ESRRG: variants seen among roughly 807,000 people sequenced by gnomAD.
The protein encoded by ESRRG is estrogen related receptor gamma.
Under a neutral mutation model 44.0 loss-of-function variants are expected in ESRRG, and 13 were observed. That is an observed-to-expected ratio of 0.30 (90% CI 0.19 to 0.47). The LOEUF is 0.47. ESRRG is among the 20% of genes least tolerant of loss of function. ESRRG has a pLI of 1.00. For synonymous variants in ESRRG, 215 were observed against 214.6 expected (o/e 1.00, Z -0.02); for missense variants, 395 against 580.6 (o/e 0.68, Z 3.29).
At chr1:216,826,758 C>T (rs562363285) in intron 2 of ESRRG, among the ~76,000 whole-genome samples, 1 of 152,128 alleles carries the variant, frequency 6.6e-6, no homozygotes, top group South Asian at 2.1e-4. Flanking sequence ...AGATTTGATC[C>T]CAGAGTCTTT....
At chr1:216,952,476 A>G (rs1439322411) in intron 1 of ESRRG, among the ~76,000 whole-genome samples, 1 of 152,130 alleles carries the variant, frequency 6.6e-6, no homozygotes, top group Non-Finnish European at 1.5e-5. Context: ...AATCTTACCC[A>G]TTCAGATATG....
chr1:216,765,035 A>T (rs1000592577), intron 2 of ESRRG, among the ~76,000 whole-genome samples: 1 of 152,096 alleles, frequency 6.6e-6, no homozygotes, highest in Non-Finnish European at 1.5e-5. Flanking sequence ...AATCTGGAGT[A>T]TAAATATCTT....
At chr1:216,653,414 A>G (rs2069524969) in intron 2 of ESRRG, among the ~76,000 whole-genome samples, 1 of 152,216 alleles carries the variant, frequency 6.6e-6, no homozygotes, top group African/African-American at 2.4e-5. Context: ...GCCTTCCTGA[A>G]TGAAATATAA....
At chr1:216,917,789 A>ATT (rs1227751058) in intron 2 of ESRRG, among the ~76,000 whole-genome samples, 1 of 152,250 alleles carries the variant, frequency 6.6e-6, no homozygotes, top group African/African-American at 2.4e-5. Flanking sequence ...ACATAGACAG[A>ATT]TTGAGCTATT....
chr1:216,628,901 T>C (rs985342760), intron 3 of ESRRG, among the ~76,000 whole-genome samples: 5 of 152,220 alleles, frequency 3.3e-5, no homozygotes, highest in African/African-American at 1.2e-4. Context: ...TGGCCATTTG[T>C]AACAACTCTC....
At chr1:216,542,825 T>C (rs912646187) in intron 5 of ESRRG, among the ~76,000 whole-genome samples, 2 of 152,032 alleles carry the variant, frequency 1.3e-5, no homozygotes, top group Non-Finnish European at 2.9e-5. Flanking sequence ...CTTGCATGTC[T>C]CATGCATGAA....
intron 2 of ESRRG, among the ~76,000 whole-genome samples, chr1:216,662,046 TATTAAC>T (rs1302350661): frequency 6.6e-6 from 1 of 152,212 alleles, no homozygotes; most frequent in African/African-American, 2.4e-5. Flanking sequence ...ATGGGGTTGC[TATTAAC>T]ATTAAGTAAG....
rs1263435140 is a variant in ESRRG, at chr1:216,816,053, T to A, written c.-14+123529A>T. On this transcript the variant is annotated intron_variant, in intron 2 of 7. Transcript: ENST00000359162. ...GCAGCTCCTCTGCTCAAACCTGGTG[T>A]CTGTAGGAAAAGCCAACTTGAACTT... 2.6e-5 allele frequency among the ~76,000 whole-genome samples: 4 copies of A among 152,158 alleles called. No homozygotes were observed. The East Asian group carries it at 7.7e-4, about 29-fold the overall frequency.
intron 2 of ESRRG, among the ~76,000 whole-genome samples, chr1:216,758,386 T>C (rs888025571): frequency 6.6e-6 from 1 of 152,064 alleles, no homozygotes; most frequent in Non-Finnish European, 1.5e-5. Context: ...GTGGCGGCAC[T>C]CAGGGAGAGC....
At chr1:216,956,380 T>A (rs2067958112) in intron 1 of ESRRG, among the ~76,000 whole-genome samples, 2 of 152,166 alleles carry the variant, frequency 1.3e-5, no homozygotes, top group African/African-American at 2.4e-5. Flanking sequence ...CCTCAATGAA[T>A]GTTATTGGCA....
intron 2 of ESRRG, among the ~76,000 whole-genome samples, chr1:216,839,030 C>T (rs967899310): frequency 6.6e-6 from 1 of 152,098 alleles, no homozygotes; most frequent in East Asian, 1.9e-4. Context: ...AAAGATTATC[C>T]TGCACGCAGG....
intron 2 of ESRRG, among the ~76,000 whole-genome samples, chr1:216,938,730 T>C (rs1163106613): frequency 6.6e-6 from 1 of 152,212 alleles, no homozygotes; most frequent in Non-Finnish European, 1.5e-5. Flanking sequence ...CACTGGCCTC[T>C]GCAGCAGGAA....
chr1:216,977,341 T>TATACACACACACACACACACACAC (rs146010546), intron 1 of ESRRG, among the ~76,000 whole-genome samples: 21 of 143,996 alleles, frequency 1.5e-4, no homozygotes, highest in South Asian at 8.8e-4. Flanking sequence ...GGAGGATACA[T>TATACACACACACACACACACACAC]ACACACACAC....
rs766835966 is a variant in ESRRG at position 216,707,364 on chromosome 1, A to C, written c.56+15880T>G. On this transcript the variant is annotated intron_variant, in intron 1 of 6. Coordinates refer to ENST00000408911, the MANE Select transcript of ESRRG (RefSeq NM_001438.4). ...AGAAAAATAATCGGGCCCACCTTTT[A>C]GCTGAAGGAACACAGGCCAGATCAG... is the stretch of plus-strand genomic sequence containing the variant. The C allele has an allele frequency of 5.3e-5, 81 of 1,535,770 alleles. 1 individual carries two copies. The highest frequency in any genetic ancestry group is 1.3e-5 in the Non-Finnish European group (15 of 1,146,780).
At chr1:216,830,080 C>T (rs1444922039) in intron 2 of ESRRG, among the ~76,000 whole-genome samples, 1 of 152,156 alleles carries the variant, frequency 6.6e-6, no homozygotes, top group Non-Finnish European at 1.5e-5. Context: ...CCTCTCCCTG[C>T]TGAAACTTTT....
intron 2 of ESRRG, among the ~76,000 whole-genome samples, chr1:216,664,112 C>T (rs2073255718): frequency 6.6e-6 from 1 of 152,096 alleles, no homozygotes; most frequent in Non-Finnish European, 1.5e-5. Flanking sequence ...ATTTTAATAA[C>T]TTAAATGATT....
chr1:216,683,988 G>C (rs1233589078), intron 1 of ESRRG, among the ~76,000 whole-genome samples: 1 of 152,092 alleles, frequency 6.6e-6, no homozygotes, highest in Admixed American at 6.6e-5. Context: ...CAAAATATAA[G>C]GGATTTTGAA....
chr1:216,800,382 G>T (rs947252481), intron 2 of ESRRG, among the ~76,000 whole-genome samples: 2 of 152,110 alleles, frequency 1.3e-5, no homozygotes, highest in Non-Finnish European at 2.9e-5. Flanking sequence ...AGGCTGGACA[G>T]AAAAGGGAGG....
chr1:216,698,299 C>G (rs576443094), intron 1 of ESRRG, among the ~76,000 whole-genome samples: 2 of 151,968 alleles, frequency 1.3e-5, no homozygotes, highest in Non-Finnish European at 2.9e-5. Context: ...AGGTGGATCA[C>G]GAAGTCAGGA....
Sources: gnomAD v4.1 joint callset for allele counts (sites outside exome capture counted in the v4.1 genomes callset) on GRCh38, gnomAD v4.1.1 for gene constraint, MANE v1.5 for transcripts, NCBI Gene and HGNC (gene_info 2026-07-23, HGNC 2026-07-21) for gene names.